LAMA2: variants seen among roughly 807,000 people sequenced by gnomAD.
The protein encoded by LAMA2 is laminin subunit alpha 2, also known as laminin subunit alpha-2.
In LAMA2, 269 loss-of-function variants were observed where a neutral mutation model predicts 364.8. That is an observed-to-expected ratio of 0.74 (90% CI 0.67 to 0.82). The LOEUF is 0.82. Among genes scored for constraint, LAMA2 ranks in the 40% least tolerant of loss-of-function variants. The pLI is 0.00. For synonymous variants in LAMA2, 1,379 were observed against 1,370.6 expected (o/e 1.01, Z -0.14); for missense variants, 3,807 against 3,873.2 (o/e 0.98, Z 0.45).
At chr6:129,290,996 C>T (rs1789656581) in intron 19 of LAMA2, among the ~76,000 whole-genome samples, 2 of 152,040 alleles carry the variant, frequency 1.3e-5, no homozygotes, top group Admixed American at 1.3e-4. Context: ...CACCTCAAAC[C>T]ATTTTTTAAA....
rs569909414 is a variant in LAMA2 at position 128,922,236 on chromosome 6, C to G, written c.112+38879C>G. Among the ~76,000 whole-genome samples the G allele has an allele frequency of 8.6e-5, 13 of 151,028 alleles. No homozygotes were observed. In the East Asian group the frequency reaches 2.5e-3, roughly 29 times the overall value. The stretch of plus-strand genomic sequence containing the variant: ...GGGTATATACCCAGTAATGGGATGG[C>G]TGGGTCAAATGGTATTTCTAGTTCT... On this transcript the variant is annotated intron_variant, in intron 1 of 64. Transcript: ENST00000421865.
chr6:129,075,584 T>C (rs1003469075), intron 3 of LAMA2, among the ~76,000 whole-genome samples: 1 of 152,080 alleles, frequency 6.6e-6, no homozygotes, highest in Non-Finnish European at 1.5e-5. Context: ...AATAGAGTGG[T>C]AGTAGCAGAG....
At chr6:129,346,987 A>G (rs1776590732) in intron 30 of LAMA2, among the ~76,000 whole-genome samples, 2 of 152,130 alleles carry the variant, frequency 1.3e-5, no homozygotes, top group Non-Finnish European at 2.9e-5. Context: ...TGGCCCTGAG[A>G]CAGACCCATG....
At chr6:129,166,181 C>G (rs1055018565) in intron 9 of LAMA2, among the ~76,000 whole-genome samples, 6 of 152,134 alleles carry the variant, frequency 3.9e-5, no homozygotes, top group Admixed American at 1.3e-4. Context: ...AATTAATGAA[C>G]AGAAAGAGGC....
intron 45 of LAMA2, among the ~76,000 whole-genome samples, chr6:129,451,013 G>A (rs1363434305): frequency 6.6e-6 from 1 of 152,096 alleles, no homozygotes; most frequent in African/African-American, 2.4e-5. Context: ...AAAAATATCT[G>A]AAGACCATAT....
At chr6:128,900,300 T>C (rs986400187) in intron 1 of LAMA2, among the ~76,000 whole-genome samples, 1 of 152,140 alleles carries the variant, frequency 6.6e-6, no homozygotes, top group Non-Finnish European at 1.5e-5. Context: ...ATTTTTATTA[T>C]ATGAGTGAAT....
Position 129,057,403 on chromosome 6 carries a change from T to A in LAMA2, c.284-2381T>A, listed in dbSNP as rs1255367048. ...ATAATTGTCCTCCATTTTGATATTA[T>A]GGGTTTTAAAAACTAATGATGGTTT... On this transcript the variant is annotated intron_variant, in intron 2 of 64. Coordinates refer to ENST00000421865, the MANE Select transcript of LAMA2 (RefSeq NM_000426.4). 3.3e-5 allele frequency among the ~76,000 whole-genome samples: 5 copies of A among 152,334 alleles called. No individual in the cohort carries two copies. In the East Asian group the frequency reaches 9.6e-4, roughly 29 times the overall value.
intron 1 of LAMA2, among the ~76,000 whole-genome samples, chr6:128,972,313 T>C (rs992520054): frequency 6.6e-6 from 1 of 152,222 alleles, no homozygotes; most frequent in African/African-American, 2.4e-5. Flanking sequence ...AGACCTGACC[T>C]TAAACCTTGA....
chr6:129,316,009 G>T (rs372212765), intron 26 of LAMA2, 29 bp from the exon 27 acceptor site: 490 of 1,613,822 alleles, frequency 3.0e-4, no homozygotes, highest in Non-Finnish European at 3.6e-4. Flanking sequence ...ATTCAGTTTT[G>T]TCATAGTGAT....
chr6:129,174,604 C>T (rs1265481104), intron 9 of LAMA2, among the ~76,000 whole-genome samples: 3 of 151,936 alleles, frequency 2.0e-5, no homozygotes, highest in Non-Finnish European at 4.4e-5. Flanking sequence ...AATGACCTAC[C>T]TTATATAGGA....
intron 1 of LAMA2, among the ~76,000 whole-genome samples, chr6:129,007,698 T>C (rs77500987): frequency 0.017 from 2,543 of 152,338 alleles, 48 homozygotes; most frequent in African/African-American, 0.048. Context: ...CAGTATTTTC[T>C]GATGAAGGAA....
At chr6:129,346,951 C>T (rs1022874601) in intron 30 of LAMA2, among the ~76,000 whole-genome samples, 30 of 152,074 alleles carry the variant, frequency 2.0e-4, no homozygotes, top group African/African-American at 7.2e-4. Flanking sequence ...GAAGAACAGT[C>T]CCCTCAGAGA....
At chr6:128,925,509 G>T (rs1779032834) in intron 1 of LAMA2, among the ~76,000 whole-genome samples, 1 of 152,116 alleles carries the variant, frequency 6.6e-6, no homozygotes, top group Non-Finnish European at 1.5e-5. Context: ...AGGGAGAGAG[G>T]AATAGGGAGT....
At chr6:128,974,443 A>G (rs936475462) in intron 1 of LAMA2, among the ~76,000 whole-genome samples, 2 of 152,252 alleles carry the variant, frequency 1.3e-5, no homozygotes, top group Non-Finnish European at 2.9e-5. Context: ...CTGAGCTGCA[A>G]GATAAATATG....
chr6:129,232,355 A>T (rs1205892252), intron 12 of LAMA2, among the ~76,000 whole-genome samples: 1 of 152,122 alleles, frequency 6.6e-6, no homozygotes, highest in African/African-American at 2.4e-5. Context: ...CCAGGGCTGC[A>T]GTCCTGTTGT....
chr6:129,282,868 G>A (rs1001667782), intron 18 of LAMA2, among the ~76,000 whole-genome samples: 4 of 152,076 alleles, frequency 2.6e-5, no homozygotes, highest in Admixed American at 6.6e-5. Flanking sequence ...TTCAGAGCTC[G>A]GGGTCTGGCA....
chr6:129,146,083 G>T (rs1459389608), intron 5 of LAMA2, among the ~76,000 whole-genome samples: 2 of 151,752 alleles, frequency 1.3e-5, no homozygotes, highest in Non-Finnish European at 2.9e-5. Context: ...AAGAAACAAA[G>T]AAGTAAATTG....
chr6:129,015,396 C>A (rs9385477), intron 1 of LAMA2, among the ~76,000 whole-genome samples: 1 of 151,798 alleles, frequency 6.6e-6, no homozygotes, highest in Admixed American at 6.6e-5. Context: ...GCATCAACCT[C>A]TCCTCTCCAG....
At chr6:129,111,797 A>G (rs921534653) in intron 4 of LAMA2, among the ~76,000 whole-genome samples, 2 of 151,982 alleles carry the variant, frequency 1.3e-5, no homozygotes, top group Non-Finnish European at 2.9e-5. Flanking sequence ...CCTGAGTCAT[A>G]CTACATTTGT....
Sources: gnomAD v4.1 joint callset for allele counts (sites outside exome capture counted in the v4.1 genomes callset) on GRCh38, gnomAD v4.1.1 for gene constraint, MANE v1.5 for transcripts, NCBI Gene and HGNC (gene_info 2026-07-23, HGNC 2026-07-21) for gene names.